Variants in RDX observed in about 807,000 individuals in gnomAD.
RDX encodes radixin.
In RDX, 32 loss-of-function variants were observed where a neutral mutation model predicts 83.7. The ratio of observed to expected loss-of-function variants is 0.38; its 90% confidence interval spans 0.29 to 0.51. RDX has a LOEUF of 0.51. Among genes scored for constraint, RDX ranks in the 20% least tolerant of loss-of-function variants. The pLI is 0.87. For missense variants in RDX, 600 were observed against 689.9 expected (o/e 0.87, Z 1.46); for synonymous variants, 229 against 222.7 (o/e 1.03, Z -0.25).
At position 110,216,533 on chromosome 11, in the gene RDX, T is replaced by C. The variant is rs200500479; in HGVS notation, c.1748+15340A>G. Among the ~76,000 whole-genome samples, 124 of 121,796 alleles carry C rather than the reference T, an allele frequency of 1.0e-3. No homozygotes were observed. The East Asian group carries it at 0.036, about 35-fold the overall frequency. The allele number at this position is 121,796 out of a possible 152,430, so 79.9% of individuals were successfully genotyped here. On this transcript the variant is annotated intron_variant, in intron 14 of 15. Transcript: ENST00000528498. The stretch of plus-strand genomic sequence containing the variant: ...GACTACAGGTGCGCTACCACACCAA[T>C]TTTTTTTCTTTTTTTTTTTTTTTAA...
chr11:110,252,159 T>C (rs1025929161), intron 9 of RDX, among the ~76,000 whole-genome samples: 4 of 152,184 alleles, frequency 2.6e-5, no homozygotes, highest in South Asian at 2.1e-4. Context: ...TAAAAGTTAC[T>C]GAATTCCAAC....
intron 15 of RDX, among the ~76,000 whole-genome samples, chr11:110,189,157 A>C (rs1222623507): frequency 6.6e-6 from 1 of 150,968 alleles, no homozygotes; most frequent in Non-Finnish European, 1.5e-5. Flanking sequence ...GGGTTGGAGG[A>C]AGATCTATCA....
In RDX at chr11:110,230,677, A is replaced by AG. The variant is rs1174635069; in HGVS notation, c.*1191dup. ...CACCCCTCCAGGATGATAGTATACC[A>AG]GTGAGGAGCTTACAATTTTAATACA... On this transcript the variant is annotated 3_prime_UTR_variant, in exon 14 of 14. Coordinates refer to ENST00000645495, the MANE Select transcript of RDX (RefSeq NM_002906.4). 6.6e-6 allele frequency: 1 copy of AG among 152,400 alleles called. No homozygotes were observed. The highest frequency in any genetic ancestry group is 1.9e-4 in the East Asian group (1 of 5,194). The allele number at this position is 152,400 out of a possible 1,614,324, so 9.4% of individuals were successfully genotyped here. A position where few individuals can be genotyped will look rare whatever the true frequency, so the allele number is the denominator to read the frequency against.
chr11:110,227,971 T>C (rs748644667), downstream of RDX, among the ~76,000 whole-genome samples: 1 of 152,100 alleles, frequency 6.6e-6, no homozygotes, highest in Non-Finnish European at 1.5e-5. Context: ...AAAGTATTGA[T>C]GAAATAAATG....
chr11:110,251,451 GAAGGT>G, intron 9 of RDX, among the ~76,000 whole-genome samples: 1 of 152,240 alleles, frequency 6.6e-6, no homozygotes, highest in Admixed American at 6.5e-5. Context: ...AAAAACGCTT[GAAGGT>G]AAGAATATTA....
At chr11:110,268,232 G>A (rs918517478) in intron 3 of RDX, among the ~76,000 whole-genome samples, 3 of 151,674 alleles carry the variant, frequency 2.0e-5, no homozygotes, top group Non-Finnish European at 2.9e-5. Flanking sequence ...GCTTGAACCC[G>A]GGAGGCGGAG....
At chr11:110,182,665 CTGTTCCTCAT>C (rs1862910624) in intron 15 of RDX, among the ~76,000 whole-genome samples, 1 of 152,144 alleles carries the variant, frequency 6.6e-6, no homozygotes, top group African/African-American at 2.4e-5. Flanking sequence ...TTGGGTAATC[CTGTTCCTCAT>C]TGCCATGGGC....
intron 5 of RDX, 121 bp downstream of exon 5, chr11:110,263,839 G>T: frequency 2.3e-6 from 2 of 853,024 alleles, no homozygotes; most frequent in Non-Finnish European, 3.6e-6. Flanking sequence ...CTGCACTCCA[G>T]CATGGGTGAC....
chr11:110,282,189 A>G (rs2134429465), intron 1 of RDX, among the ~76,000 whole-genome samples: 1 of 152,300 alleles, frequency 6.6e-6, no homozygotes, highest in African/African-American at 2.4e-5. Flanking sequence ...CTTCACACAT[A>G]TATAAGACAT....
downstream of RDX, among the ~76,000 whole-genome samples, chr11:110,229,218 T>C (rs568765870): frequency 1.3e-5 from 2 of 152,106 alleles, no homozygotes; most frequent in East Asian, 3.9e-4. Context: ...TTACGTTTTG[T>C]TGTCAACAAA....
In RDX at chr11:110,272,499, T is replaced by C. The variant is rs201236700; in HGVS notation, c.96+37A>G. ...GAGGTATGCAACAACATTCACACTATGGTGTCAAAAGTTGCATATTTCATG... is the reference window on the plus strand; with the variant it reads ...GAGGTATGCAACAACATTCACACTACGGTGTCAAAAGTTGCATATTTCATG... On this transcript the variant is annotated intron_variant, in intron 3 of 13. Transcript: ENST00000645495. The C allele has an allele frequency of 5.5e-6, 7 of 1,268,256 alleles. No homozygotes were observed. The East Asian group carries it at 7.0e-5, about 13-fold the overall frequency. 78.6% of individuals were successfully genotyped at this position (1,268,256 alleles called of 1,614,324 possible). A position where few individuals can be genotyped will look rare whatever the true frequency, so the allele number is the denominator to read the frequency against.
chr11:110,192,879 T>A (rs1297894793), intron 15 of RDX, among the ~76,000 whole-genome samples: 2 of 151,718 alleles, frequency 1.3e-5, no homozygotes, highest in Non-Finnish European at 2.9e-5. Flanking sequence ...CAGATGCTGG[T>A]GAGGTGTGGA....
chr11:110,294,662 T>C (rs1861374655), intron 1 of RDX, among the ~76,000 whole-genome samples: 1 of 152,158 alleles, frequency 6.6e-6, no homozygotes, highest in African/African-American at 2.4e-5. Context: ...AAGTCTGTCA[T>C]TTCTTACCAA....
At chr11:110,242,646 G>A (rs1364402136) in intron 10 of RDX, among the ~76,000 whole-genome samples, 1 of 152,040 alleles carries the variant, frequency 6.6e-6, no homozygotes, top group Non-Finnish European at 1.5e-5. Flanking sequence ...TAAGGCAATA[G>A]CTATTTTGTG....
chr11:110,232,187 G>A (rs1175796364), intron 13 of RDX, among the ~76,000 whole-genome samples, 154 bp from the exon 14 acceptor site: 1 of 152,058 alleles, frequency 6.6e-6, no homozygotes, highest in Admixed American at 6.6e-5. Context: ...AATAGTGGTG[G>A]CAGTGGTAAG....
intron 4 of RDX, 49 bp from the exon 5 acceptor site, chr11:110,264,283 T>A: frequency 8.0e-7 from 1 of 1,249,928 alleles, no homozygotes; most frequent in Non-Finnish European, 1.1e-6. Flanking sequence ...AAGTTTACAA[T>A]AATTAGACCT....
In RDX at chr11:110,211,425, C is replaced by T. The variant is rs1157641939; in HGVS notation, c.1749-11747G>A. 9.2e-3 allele frequency among the ~76,000 whole-genome samples: 1,384 copies of T among 150,014 alleles called. 28 individuals carry two copies. Among genetic ancestry groups the T allele is most frequent in the African/African-American group, 0.032 (1,287 of 40,722 alleles). On this transcript the variant is annotated intron_variant, in intron 14 of 15. Coordinates refer to the RDX transcript ENST00000528498. Reference sequence around the variant, plus strand: ...CCACTGTCAACATTAGACAGATCAACGAGACAGAAAGTCAACAAGGATACC... The same window carrying T: ...CCACTGTCAACATTAGACAGATCAATGAGACAGAAAGTCAACAAGGATACC...
At chr11:110,272,785 A>G (rs1860357691) in intron 2 of RDX, 166 bp from the exon 3 acceptor site, 1 of 613,612 alleles carries the variant, frequency 1.6e-6, no homozygotes, top group Middle Eastern at 2.6e-4. Context: ...AGGAACATCT[A>G]TTGAATACTT....
At chr11:110,293,738 G>C (rs774806889) in intron 1 of RDX, among the ~76,000 whole-genome samples, 1 of 152,136 alleles carries the variant, frequency 6.6e-6, no homozygotes. Flanking sequence ...ACCCAACAGT[G>C]ACTTGCTTGA....
Sources: allele counts gnomAD v4.1 joint callset (sites outside exome capture counted in the v4.1 genomes callset), GRCh38; gene constraint gnomAD v4.1.1; transcripts MANE v1.5; gene names NCBI Gene and HGNC (gene_info 2026-07-23, HGNC 2026-07-21).